CEP83: variants seen among roughly 807,000 people sequenced by gnomAD.
The protein encoded by CEP83 is centrosomal protein 83.
CEP83 carries 70 observed loss-of-function variants against 101.9 expected under a neutral mutation model. The ratio of observed to expected loss-of-function variants is 0.69; its 90% confidence interval spans 0.57 to 0.84. The LOEUF (loss-of-function observed/expected upper bound fraction) is 0.84. Ranked by LOEUF, CEP83 falls within the 40% of genes least tolerant of loss-of-function variation. CEP83 has a pLI of 0.00. For synonymous variants in CEP83, 264 were observed against 267.9 expected, an observed-to-expected ratio of 0.99 and a Z score of 0.14; for missense variants, 715 against 787.2, an observed-to-expected ratio of 0.91 and a Z score of 1.10.
the CEP83 span, among the ~76,000 whole-genome samples, chr12:94,293,827 C>T: frequency 6.6e-6 from 1 of 152,090 alleles, no homozygotes; most frequent in East Asian, 1.9e-4. Context: ...CCCTATGTTG[C>T]CCAGGCTGGT....
At chr12:94,381,188 T>C (rs559395803) in intron 6 of CEP83, among the ~76,000 whole-genome samples, 3 of 152,274 alleles carry the variant, frequency 2.0e-5, no homozygotes, top group East Asian at 3.9e-4. Flanking sequence ...GTCCCAGACA[T>C]TTGGCACAGA....
At chr12:94,311,914 T>A (rs1402474914) in intron 15 of CEP83, among the ~76,000 whole-genome samples, 2 of 152,082 alleles carry the variant, frequency 1.3e-5, no homozygotes, top group Non-Finnish European at 1.5e-5. Context: ...TTGAATTCTG[T>A]TTTAGAAGGA....
At chr12:94,441,594 A>G (rs1044563741) in intron 1 of CEP83, among the ~76,000 whole-genome samples, 4 of 152,234 alleles carry the variant, frequency 2.6e-5, no homozygotes, top group African/African-American at 9.6e-5. Flanking sequence ...TACAACCACT[A>G]TAGAAAACAG....
intron 2 of CEP83, among the ~76,000 whole-genome samples, chr12:94,426,674 T>TA (rs1028299084): frequency 5.3e-5 from 8 of 152,160 alleles, no homozygotes; most frequent in Admixed American, 2.6e-4. Flanking sequence ...TATATACTTT[T>TA]AAAAAAAGGG....
chr12:94,305,988 AT>A (rs1968963534), downstream of CEP83: 1 of 152,226 alleles, frequency 6.6e-6, no homozygotes, highest in Non-Finnish European at 1.5e-5. Context: ...AATGAACAGC[AT>A]TTTAACCAGA....
intron 2 of CEP83, among the ~76,000 whole-genome samples, chr12:94,417,307 T>C (rs193250543): frequency 9.2e-5 from 14 of 151,898 alleles, no homozygotes; most frequent in Admixed American, 2.6e-4. Context: ...CAAAGCAAGA[T>C]TCCCACCTCT....
chr12:94,336,553 C>T lies in CEP83; in HGVS notation c.1344-889G>A, dbSNP rs116911616. Among the ~76,000 whole-genome samples the T allele has an allele frequency of 7.8e-4, 119 of 152,260 alleles. 1 individual carries two copies. The East Asian group carries it at 0.022, about 28-fold the overall frequency. On this transcript the variant is annotated intron_variant, in intron 11 of 16. Transcript: ENST00000397809. ...AATAAACATTTGTTGGCAGACTGAACGAACCAACCCAAATCATGGATTAGC... is the reference window on the plus strand; with the variant it reads ...AATAAACATTTGTTGGCAGACTGAATGAACCAACCCAAATCATGGATTAGC...
chr12:94,285,073 G>A, the CEP83 span, among the ~76,000 whole-genome samples: 1 of 151,690 alleles, frequency 6.6e-6, no homozygotes, highest in Admixed American at 6.6e-5. Flanking sequence ...AAGTCACGTG[G>A]ATGGGAGGGA....
chr12:94,418,026 C>T (rs2064419610), intron 2 of CEP83, among the ~76,000 whole-genome samples: 1 of 151,858 alleles, frequency 6.6e-6, no homozygotes, highest in Non-Finnish European at 1.5e-5. Flanking sequence ...ATACAAGTCT[C>T]AGAAAAGAAG....
At chr12:94,454,312 CCTT>C (rs1417705630) in intron 1 of CEP83, among the ~76,000 whole-genome samples, 1 of 152,126 alleles carries the variant, frequency 6.6e-6, no homozygotes, top group Non-Finnish European at 1.5e-5. Context: ...TTTCACGTGT[CCTT>C]CACACAAAAA....
At chr12:94,368,303 T>C (rs974541955) in intron 9 of CEP83, 102 bp from the exon 10 acceptor site, 7 of 789,712 alleles carry the variant, frequency 8.9e-6, no homozygotes, top group Admixed American at 5.9e-5. Flanking sequence ...CAAATGAATG[T>C]AGAAAGTCTC....
chr12:94,376,064 T>C (rs1391515618), intron 7 of CEP83, 47 bp from the exon 8 acceptor site: 2 of 1,247,904 alleles, frequency 1.6e-6, no homozygotes, highest in Admixed American at 5.6e-5. Flanking sequence ...TTTCAAGTAT[T>C]TCAAAATCAA....
chr12:94,449,569 A>G (rs1322074041), intron 1 of CEP83, among the ~76,000 whole-genome samples: 1 of 151,482 alleles, frequency 6.6e-6, no homozygotes, highest in African/African-American at 2.4e-5. Flanking sequence ...CAGCCCAGGC[A>G]ACATGGCAAA....
chr12:94,429,489 G>A (rs1322680145), intron 2 of CEP83, among the ~76,000 whole-genome samples: 1 of 152,170 alleles, frequency 6.6e-6, no homozygotes, highest in Non-Finnish European at 1.5e-5. Flanking sequence ...AGTCCCAACA[G>A]ACTGCACCTT....
intron 4 of CEP83, among the ~76,000 whole-genome samples, chr12:94,409,421 C>T (rs1403845770): frequency 1.3e-5 from 2 of 151,866 alleles, no homozygotes; most frequent in African/African-American, 4.8e-5. Context: ...AACAGGGAGG[C>T]TATAGGGTAG....
At chr12:94,355,042 C>A (rs1282609227) in intron 11 of CEP83, among the ~76,000 whole-genome samples, 6 of 151,250 alleles carry the variant, frequency 4.0e-5, no homozygotes, top group Admixed American at 1.3e-4. Flanking sequence ...TTCTTAAAAA[C>A]AAATAAATAA....
At chr12:94,287,809 G>T in the CEP83 span, among the ~76,000 whole-genome samples, 1 of 152,222 alleles carries the variant, frequency 6.6e-6, no homozygotes, top group Non-Finnish European at 1.5e-5. Flanking sequence ...AATGTCTTTA[G>T]ATATTCATTT....
intron 14 of CEP83, among the ~76,000 whole-genome samples, chr12:94,317,118 C>T (rs968168615): frequency 2.6e-5 from 4 of 152,144 alleles, no homozygotes; most frequent in Non-Finnish European, 5.9e-5. Flanking sequence ...GCCATTCTGA[C>T]TGGTGTAAGA....
At chr12:94,290,443 G>C in the CEP83 span, among the ~76,000 whole-genome samples, 3 of 152,394 alleles carry the variant, frequency 2.0e-5, no homozygotes, top group Non-Finnish European at 4.4e-5. Context: ...GAAGAGCTCA[G>C]TAAGAGTTAA....
Sources: gnomAD v4.1 joint callset for allele counts (sites outside exome capture counted in the v4.1 genomes callset) on GRCh38, gnomAD v4.1.1 for gene constraint, MANE v1.5 for transcripts, NCBI Gene and HGNC (gene_info 2026-07-23, HGNC 2026-07-21) for gene names.